RNF180: variants seen among roughly 807,000 people sequenced by gnomAD.
RNF180 encodes E3 ubiquitin-protein ligase RNF180.
Under a neutral mutation model 59.2 loss-of-function variants are expected in RNF180, and 38 were observed. The observed-to-expected ratio is 0.64, with a 90% CI of 0.50 to 0.84. RNF180 has a LOEUF of 0.84. RNF180 is among the 40% of genes least tolerant of loss of function. The pLI is 0.00. For missense variants in RNF180, 705 were observed against 700.9 expected, an observed-to-expected ratio of 1.01 and a Z score of -0.07; for synonymous variants, 262 against 240.3, an observed-to-expected ratio of 1.09 and a Z score of -0.84.
intron 5 of RNF180, among the ~76,000 whole-genome samples, chr5:64,264,006 C>T (rs971422437): frequency 2.3e-4 from 35 of 152,028 alleles, no homozygotes; most frequent in Admixed American, 2.6e-4. Context: ...GGCCTTTTAC[C>T]TAGTGTTTGC....
rs145913334 is a variant in RNF180 at position 64,313,863 on chromosome 5, G to A, written c.1228-11323G>A. Among the ~76,000 whole-genome samples the A allele has an allele frequency of 1.6e-4, 24 of 152,076 alleles. No individual in the cohort carries two copies. In the East Asian group the frequency reaches 4.2e-3, roughly 27 times the overall value. ...ATAGCCATTCTGACTGTTGTGAAAT[G>A]GTATCTTGTTGTGGCTTTGATTTGC... On this transcript the variant is annotated intron_variant, in intron 5 of 7. Transcript: ENST00000389100.
intron 5 of RNF180, among the ~76,000 whole-genome samples, chr5:64,246,840 C>T (rs1743203069): frequency 6.6e-6 from 1 of 152,170 alleles, no homozygotes; most frequent in Non-Finnish European, 1.5e-5. Flanking sequence ...TCCTGATGAA[C>T]ATCTATGAGA....
At chr5:64,272,940 G>A (rs1386030975) in intron 5 of RNF180, among the ~76,000 whole-genome samples, 1 of 151,894 alleles carries the variant, frequency 6.6e-6, no homozygotes, top group Non-Finnish European at 1.5e-5. Flanking sequence ...ACACTTAAAT[G>A]TCTAGTTTTG....
chr5:64,213,928 A>G lies in RNF180; in HGVS notation c.602A>G (p.Lys201Arg). 6.2e-7 allele frequency: 1 copy of G among 1,614,088 alleles called. No homozygotes were observed. The highest frequency in any genetic ancestry group is 1.1e-5 in the South Asian group (1 of 91,082). Residue 201 changes from lysine (K) to arginine (R), a missense_variant, in exon 4 of 8, where the codon AAA becomes AGA. Lys to Arg is a conservative substitution (Grantham distance 26). Transcript: ENST00000389100. ...ATGAAGAACGAAAAACTGCTGTCCAAAGCATCAGAACCAAAATACCAGCTT... is the reference window on the plus strand; with the variant it reads ...ATGAAGAACGAAAAACTGCTGTCCAGAGCATCAGAACCAAAATACCAGCTT... ...FEMKNEKLLS[K>R]ASEPKYQLFV...
chr5:64,343,691 A>G (rs994604868), intron 7 of RNF180, among the ~76,000 whole-genome samples: 1 of 151,916 alleles, frequency 6.6e-6, no homozygotes, highest in Admixed American at 6.6e-5. Context: ...AAATGGTGGA[A>G]TAACATCTTT....
At chr5:64,281,110 A>T (rs1033695939) in intron 5 of RNF180, among the ~76,000 whole-genome samples, 1 of 152,172 alleles carries the variant, frequency 6.6e-6, no homozygotes, top group Admixed American at 6.5e-5. Context: ...AGACTCAGAC[A>T]GTGTTGGAAT....
intron 5 of RNF180, among the ~76,000 whole-genome samples, chr5:64,252,914 T>C (rs1215103657): frequency 1.3e-5 from 2 of 151,736 alleles, no homozygotes; most frequent in East Asian, 3.9e-4. Flanking sequence ...ACCATCACCA[T>C]CACCACCCCC....
chr5:64,270,932 A>G (rs143822745), intron 5 of RNF180, among the ~76,000 whole-genome samples: 8 of 152,238 alleles, frequency 5.3e-5, no homozygotes, highest in African/African-American at 1.7e-4. Flanking sequence ...CACCATTGAA[A>G]TATCAGCTTA....
chr5:64,345,387 T>C (rs1186746317), intron 7 of RNF180, among the ~76,000 whole-genome samples: 1 of 152,180 alleles, frequency 6.6e-6, no homozygotes. Flanking sequence ...GAGGAATGCC[T>C]CTCCACTGGG....
intron 5 of RNF180, among the ~76,000 whole-genome samples, chr5:64,268,567 A>G (rs562173023): frequency 2.4e-4 from 36 of 152,164 alleles, no homozygotes; most frequent in South Asian, 2.3e-3. Flanking sequence ...TGATTCCTTA[A>G]CTTTTAAAAT....
chr5:64,320,467 G>C (rs893301778), intron 5 of RNF180, among the ~76,000 whole-genome samples: 2 of 152,126 alleles, frequency 1.3e-5, no homozygotes, highest in Non-Finnish European at 2.9e-5. Flanking sequence ...CTGTATGCTT[G>C]CTTCCCACTA....
intron 5 of RNF180, among the ~76,000 whole-genome samples, chr5:64,257,464 G>A (rs950176518): frequency 2.6e-5 from 4 of 152,176 alleles, no homozygotes; most frequent in African/African-American, 9.7e-5. Context: ...AGATAATCAT[G>A]TGGTTTTTGT....
At chr5:64,179,428 G>A (rs914449033) in intron 1 of RNF180, among the ~76,000 whole-genome samples, 2 of 140,536 alleles carry the variant, frequency 1.4e-5, no homozygotes, top group African/African-American at 2.6e-5. Flanking sequence ...ATGTTCTTAT[G>A]CTTTTGCTAC....
intron 1 of RNF180, among the ~76,000 whole-genome samples, chr5:64,181,986 C>CTTTTTTTTTTT (rs1190089130): frequency 1.1e-5 from 1 of 94,626 alleles, no homozygotes; most frequent in African/African-American, 4.4e-5. Context: ...CTGCTACTGT[C>CTTTTTTTTTTT]TTTTTTTTTT....
chr5:64,277,937 ATATTTT>A (rs1164309051), intron 5 of RNF180, among the ~76,000 whole-genome samples: 1 of 152,206 alleles, frequency 6.6e-6, no homozygotes, highest in Non-Finnish European at 1.5e-5. Flanking sequence ...ATAATGGAGA[ATATTTT>A]TATAAAGAAG....
rs1422217438 is a variant in RNF180 at position 64,214,536 on chromosome 5, G to C, written c.1191+19G>C. 6.3e-7 allele frequency: 1 copy of C among 1,597,802 alleles called. No homozygotes were observed. The highest frequency in any genetic ancestry group is 1.7e-5 in the Admixed American group (1 of 57,756). On this transcript the variant is annotated intron_variant, in intron 4 of 7. Transcript: ENST00000389100. ...GAAGCAGGTAATATTTTTCAAAAGA[G>C]TTTACTAAAAATCTGTATTATAAAT...
rs187943968 is a variant in RNF180 at position 64,312,343 on chromosome 5, C to T, written c.1228-12843C>T. On this transcript the variant is annotated intron_variant, in intron 5 of 7. Coordinates refer to ENST00000389100, the MANE Select transcript of RNF180 (RefSeq NM_001113561.2). ...GTTCCTCCGTTTCATGGTTTCTTAG[C>T]ACCCTCTTATTCTCCTCCATTAGCC... Among the ~76,000 whole-genome samples, 23 of 152,212 alleles carry T rather than the reference C, an allele frequency of 1.5e-4. No individual in the cohort carries two copies. The East Asian group carries it at 4.4e-3, about 29-fold the overall frequency.
At chr5:64,336,144 T>A (rs1217346325) in intron 7 of RNF180, among the ~76,000 whole-genome samples, 1 of 152,176 alleles carries the variant, frequency 6.6e-6, no homozygotes, top group Non-Finnish European at 1.5e-5. Flanking sequence ...TTCTTTCTAC[T>A]TCACTCTCAT....
chr5:64,318,048 T>C (rs1419561895), intron 5 of RNF180, among the ~76,000 whole-genome samples: 1 of 152,196 alleles, frequency 6.6e-6, no homozygotes, highest in African/African-American at 2.4e-5. Flanking sequence ...TGGTTTCTAC[T>C]GAATGCATAT....
Sources: gnomAD v4.1 joint callset for allele counts (sites outside exome capture counted in the v4.1 genomes callset) on GRCh38, gnomAD v4.1.1 for gene constraint, MANE v1.5 for transcripts, NCBI Gene and HGNC (gene_info 2026-07-23, HGNC 2026-07-21) for gene names.